The following NXPE2 variants were observed in gnomAD, a reference collection of about 807,000 sequenced individuals.
NXPE2 encodes NXPE family member 2.
A neutral mutation model predicts 34.4 loss-of-function variants in NXPE2; 34 were observed. The ratio of observed to expected loss-of-function variants is 0.99; its 90% CI spans 0.75 to 1.31. The LOEUF (loss-of-function observed/expected upper bound fraction) is 1.31. Among genes scored for constraint, NXPE2 ranks in the 40% most tolerant of loss-of-function variants. The probability of loss-of-function intolerance (pLI) is 0.00; values close to 1 mark genes in which losing one functional copy is unlikely to be tolerated. For synonymous variants in NXPE2, 235 were observed against 231.3 expected (o/e 1.02, Z -0.15); for missense variants, 649 against 672.5 (o/e 0.97, Z 0.39).
the NXPE2 span, chr11:114,580,220 C>T: frequency 4.3e-6 from 7 of 1,614,038 alleles, no homozygotes; most frequent in Non-Finnish European, 5.9e-6. Context: ...GGCATTCCTT[C>T]ATTTTGACTG....
the NXPE2 span, among the ~76,000 whole-genome samples, chr11:114,602,644 ATAAT>A: frequency 1.4e-5 from 2 of 141,796 alleles, no homozygotes; most frequent in African/African-American, 5.1e-5. Context: ...TTCATATATA[ATAAT>A]TTTCTCATAT....
At chr11:114,681,035 T>C (rs1950941761) in intron 2 of NXPE2, among the ~76,000 whole-genome samples, 1 of 152,160 alleles carries the variant, frequency 6.6e-6, no homozygotes, top group Non-Finnish European at 1.5e-5. Flanking sequence ...ATAGCCTGTG[T>C]AGTCAATCAA....
chr11:114,794,828 G>A, the NXPE2 span, among the ~76,000 whole-genome samples: 447 of 151,866 alleles, frequency 2.9e-3, 1 homozygote, highest in African/African-American at 0.01. Flanking sequence ...CTTCAGGCAA[G>A]GGGATGGATG....
intron 3 of NXPE2, among the ~76,000 whole-genome samples, chr11:114,700,385 T>C (rs1591441796): frequency 6.6e-6 from 1 of 152,144 alleles, no homozygotes; most frequent in Non-Finnish European, 1.5e-5. Flanking sequence ...AGCAGCAACC[T>C]GAGTTAAGTG....
the NXPE2 span, among the ~76,000 whole-genome samples, chr11:114,519,382 C>T: frequency 6.6e-6 from 1 of 152,124 alleles, no homozygotes; most frequent in African/African-American, 2.4e-5. Context: ...GGTAAAACCT[C>T]TCTCTAAAGA....
chr11:114,602,092 T>C, the NXPE2 span, among the ~76,000 whole-genome samples: 1 of 95,868 alleles, frequency 1.0e-5, no homozygotes, highest in Admixed American at 1.8e-4. Flanking sequence ...TTATTATATA[T>C]AACATATATT....
the NXPE2 span, among the ~76,000 whole-genome samples, chr11:114,620,449 T>C: frequency 3.3e-5 from 5 of 151,992 alleles, no homozygotes; most frequent in Non-Finnish European, 7.4e-5. Flanking sequence ...ACCCAGTGGG[T>C]ATTAATTGTT....
chr11:114,653,536 T>C, the NXPE2 span, among the ~76,000 whole-genome samples: 1 of 141,876 alleles, frequency 7.0e-6, no homozygotes, highest in Non-Finnish European at 1.6e-5. Flanking sequence ...GCTTTCCCTT[T>C]TTTTTTTTTT....
chr11:114,598,516 G>A, the NXPE2 span, among the ~76,000 whole-genome samples: 443 of 152,350 alleles, frequency 2.9e-3, 3 homozygotes, highest in African/African-American at 0.01. Flanking sequence ...TGGACATATA[G>A]GCTTTTCCAT....
At chr11:114,513,308 A>T in the NXPE2 span, 1 of 454,388 alleles carries the variant, frequency 2.2e-6, no homozygotes. Flanking sequence ...TCTGGGTGGG[A>T]TCAGCTGGTC....
chr11:114,501,638 G>A, the NXPE2 span, among the ~76,000 whole-genome samples: 4 of 152,168 alleles, frequency 2.6e-5, no homozygotes, highest in Non-Finnish European at 5.9e-5. Context: ...GACTATGAAA[G>A]TCAGTGTCTT....
At chr11:114,633,441 C>A in the NXPE2 span, among the ~76,000 whole-genome samples, 1 of 143,958 alleles carries the variant, frequency 6.9e-6, no homozygotes, top group Non-Finnish European at 1.5e-5. Context: ...GTATAGTATA[C>A]AATGTATATT....
At chr11:114,813,017 T>A in the NXPE2 span, among the ~76,000 whole-genome samples, 12 of 152,240 alleles carry the variant, frequency 7.9e-5, no homozygotes, top group South Asian at 8.3e-4. Context: ...CTGCTGGGGC[T>A]CTGGGGGTCA....
At chr11:114,686,994 T>A (rs1411841855) in intron 2 of NXPE2, among the ~76,000 whole-genome samples, 1 of 152,206 alleles carries the variant, frequency 6.6e-6, no homozygotes, top group African/African-American at 2.4e-5. Flanking sequence ...TTTAAGCTCC[T>A]TATAGACTCT....
chr11:114,468,878 G>A, the NXPE2 span, among the ~76,000 whole-genome samples: 3 of 152,100 alleles, frequency 2.0e-5, no homozygotes, highest in Admixed American at 6.5e-5. Context: ...AGGCCAAAGG[G>A]AAATATGCAT....
At chr11:114,580,268 C>G in the NXPE2 span, 3 of 1,613,914 alleles carry the variant, frequency 1.9e-6, no homozygotes, top group Non-Finnish European at 2.5e-6. Flanking sequence ...ATGTGTTTCT[C>G]CAGACATGCC....
At chr11:114,639,061 C>T in the NXPE2 span, among the ~76,000 whole-genome samples, 6 of 151,472 alleles carry the variant, frequency 4.0e-5, no homozygotes, top group Admixed American at 3.3e-4. Context: ...CTGTGCCCTG[C>T]CCCCAGAGGT....
chr11:114,575,454 C>T, the NXPE2 span, among the ~76,000 whole-genome samples: 2 of 152,006 alleles, frequency 1.3e-5, no homozygotes, highest in South Asian at 4.1e-4. Flanking sequence ...AAAGACTTAT[C>T]CAAAAAGCTC....
the NXPE2 span, among the ~76,000 whole-genome samples, chr11:114,590,387 C>T: frequency 6.6e-6 from 1 of 152,104 alleles, no homozygotes; most frequent in Non-Finnish European, 1.5e-5. Flanking sequence ...TTCCTCCTTC[C>T]CCCTCCCTAA....
Sources: gnomAD v4.1 joint callset for allele counts (sites outside exome capture counted in the v4.1 genomes callset) on GRCh38, gnomAD v4.1.1 for gene constraint, MANE v1.5 for transcripts, NCBI Gene and HGNC (gene_info 2026-07-23, HGNC 2026-07-21) for gene names.